Variants in FAM131C observed in about 807,000 individuals in gnomAD.
FAM131C encodes the protein protein FAM131C.
A neutral mutation model predicts 29.8 loss-of-function variants in FAM131C; 14 were observed. The ratio of observed to expected loss-of-function variants is 0.47; its 90% CI spans 0.31 to 0.73. FAM131C has a LOEUF of 0.73. FAM131C is among the 30% of genes least tolerant of loss of function. The pLI, the probability that FAM131C is intolerant of heterozygous loss-of-function variation, is 0.05. For missense variants in FAM131C, 252 were observed against 383.8 expected (o/e 0.66, Z 2.87); for synonymous variants, 86 against 157.8 (o/e 0.54, Z 3.41).
At position 16,068,047 on chromosome 1, in the gene FAM131C, C is replaced by T. The variant is rs184831751; in HGVS notation, c.23-4411G>A. 3.9e-3 allele frequency among the ~76,000 whole-genome samples: 587 copies of T among 152,314 alleles called. 6 individuals are homozygous for T. The highest frequency in any genetic ancestry group is 0.013 in the African/African-American group (556 of 41,558). On this transcript the variant is annotated intron_variant, in intron 1 of 6. Coordinates refer to ENST00000375662, the MANE Select transcript of FAM131C (RefSeq NM_182623.3). ...AGCAGCAGCCTGGGGTCAAAGCGTC[C>T]CCTCATGCTCCTCCCCGGCCAGCCT...
rs767332350 is a variant in FAM131C at position 16,063,556 on chromosome 1, T to C, written c.103A>G (p.Thr35Ala). The C allele has an allele frequency of 6.2e-7, 1 of 1,613,314 alleles. No individual in the cohort carries two copies. The highest frequency in any genetic ancestry group is 8.5e-7 in the Non-Finnish European group (1 of 1,179,710). The change falls in exon 2 of 7, where the codon ACT (threonine) becomes GCT (alanine). Residue 35 changes from threonine (T) to alanine (A), a missense_variant. By Grantham distance (58) the Thr-to-Ala change is moderately conservative. Around this residue, in one of 6 missense-constraint regions of FAM131C, gnomAD observed 76 missense variants for 62.8 expected, o/e 1.21. Transcript: ENST00000375662. ...PLNPDLPSGR[T>A]PTVAPDCVIG... is the part of the protein sequence containing the mutation. ...ACACAGTCTGGAGCCACGGTGGGAG[T>C]GCGGCCCGAGGGCAGATCTGGGTTC...
intron 1 of FAM131C, among the ~76,000 whole-genome samples, chr1:16,070,093 G>T (rs887946603): frequency 6.6e-6 from 1 of 152,110 alleles, no homozygotes; most frequent in East Asian, 1.9e-4. Context: ...GCAAAGGACG[G>T]GGTTTCCACA....
intron 1 of FAM131C, among the ~76,000 whole-genome samples, chr1:16,067,026 C>A (rs2023691805): frequency 6.6e-6 from 1 of 152,192 alleles, no homozygotes; most frequent in Non-Finnish European, 1.5e-5. Context: ...GGGAGGGGAG[C>A]CGGGCACAGA....
At chr1:16,068,973 T>A (rs779680837) in intron 1 of FAM131C, among the ~76,000 whole-genome samples, 10 of 152,212 alleles carry the variant, frequency 6.6e-5, no homozygotes, top group Non-Finnish European at 1.0e-4. Flanking sequence ...GTGACAGTAC[T>A]GTGTCAGGTA....
intron 1 of FAM131C, among the ~76,000 whole-genome samples, chr1:16,065,229 C>T (rs1036127317): frequency 6.6e-6 from 1 of 152,148 alleles, no homozygotes; most frequent in Admixed American, 6.5e-5. Flanking sequence ...CCCACTGCAC[C>T]AACTACAACC....
At chr1:16,065,863 G>A (rs1323276913) in intron 1 of FAM131C, among the ~76,000 whole-genome samples, 1 of 152,082 alleles carries the variant, frequency 6.6e-6, no homozygotes, top group Admixed American at 6.5e-5. Flanking sequence ...CTGGCAGGGG[G>A]AAGGTAAGCA....
chr1:16,063,930 A>G (rs2023641108), intron 1 of FAM131C, among the ~76,000 whole-genome samples: 1 of 151,474 alleles, frequency 6.6e-6, no homozygotes, highest in African/African-American at 2.4e-5. Flanking sequence ...ATTTACCCTC[A>G]TATTTCCAGA....
chr1:16,063,544 C>G lies in FAM131C; in HGVS notation c.115G>C (p.Ala39Pro). ...DLPSGRTPTV[A>P]PDCVIGKDKQ... Reference sequence around the variant, plus strand: ...ACCTTGCCAATGACACAGTCTGGAGCCACGGTGGGAGTGCGGCCCGAGGGC... The same window carrying G: ...ACCTTGCCAATGACACAGTCTGGAGGCACGGTGGGAGTGCGGCCCGAGGGC... Residue 39 changes from alanine (A) to proline (P), a missense_variant, in exon 2 of 7, where the codon GCT (alanine) becomes CCT (proline). By Grantham distance (27) the Ala-to-Pro change is conservative. Around this residue, in one of 6 missense-constraint regions of FAM131C, gnomAD observed 76 missense variants for 62.8 expected, o/e 1.21. Transcript: ENST00000375662. The G allele has an allele frequency of 6.2e-7, 1 of 1,613,770 alleles. No individual in the cohort carries two copies. The highest frequency in any genetic ancestry group is 8.5e-7 in the Non-Finnish European group (1 of 1,179,776).
Position 16,063,523 on chromosome 1 carries a change from T to A in FAM131C, c.136A>T (p.Lys46Ter). 6.2e-7 allele frequency: 1 copy of A among 1,612,508 alleles called. No individual in the cohort carries two copies. The highest frequency in any genetic ancestry group is 8.5e-7 in the Non-Finnish European group (1 of 1,178,756). Residue 46 changes from lysine (K) to a stop codon, truncating the protein, a stop_gained and splice_region_variant, in exon 2 of 7, where the codon AAG becomes TAG. Transcript: ENST00000375662. LOFTEE classifies it high-confidence loss of function. Reference sequence around the variant, plus strand: ...AGGGATGAGGAGCAGCCAGTTACCTTGCCAATGACACAGTCTGGAGCCACG... The same window carrying A: ...AGGGATGAGGAGCAGCCAGTTACCTAGCCAATGACACAGTCTGGAGCCACG... ...PTVAPDCVIG[K>*]DKQMDFCWDP...
chr1:16,071,267 A>G (rs898251146), intron 1 of FAM131C, among the ~76,000 whole-genome samples: 1 of 152,204 alleles, frequency 6.6e-6, no homozygotes, highest in Non-Finnish European at 1.5e-5. Context: ...GAGTGCAGAG[A>G]CTGAGGCCCT....
At chr1:16,064,631 G>A (rs1300560402) in intron 1 of FAM131C, among the ~76,000 whole-genome samples, 17 of 152,216 alleles carry the variant, frequency 1.1e-4, no homozygotes, top group Admixed American at 1.1e-3. Context: ...GGGGCCGTCA[G>A]CATCCTGGCA....
intron 1 of FAM131C, among the ~76,000 whole-genome samples, chr1:16,071,484 G>C (rs990154498): frequency 3.3e-5 from 5 of 152,222 alleles, no homozygotes; most frequent in African/African-American, 1.2e-4. Context: ...TAAGGAGAGG[G>C]CAGGGTGGGT....
chr1:16,071,991 G>A (rs1055247123), intron 1 of FAM131C, among the ~76,000 whole-genome samples: 7 of 152,288 alleles, frequency 4.6e-5, no homozygotes, highest in Admixed American at 2.6e-4. Context: ...GCCAGAGACT[G>A]CCTAGAACCT....
At chr1:16,065,909 T>C (rs2023676648) in intron 1 of FAM131C, among the ~76,000 whole-genome samples, 1 of 150,942 alleles carries the variant, frequency 6.6e-6, no homozygotes, top group African/African-American at 2.5e-5. Flanking sequence ...TTCTTTTCTT[T>C]TTTTTTTGGA....
At chr1:16,068,751 C>T (rs2023713238) in intron 1 of FAM131C, among the ~76,000 whole-genome samples, 1 of 152,154 alleles carries the variant, frequency 6.6e-6, no homozygotes, top group South Asian at 2.1e-4. Flanking sequence ...GGGCTCCTCC[C>T]CAGGACTTCC....
rs2023519670 is a variant in FAM131C, at chr1:16,058,451, C to T, written c.829G>A (p.Val277Met). The change falls in exon 7 of 7, where the codon GTG (valine) becomes ATG (methionine). Residue 277 changes from valine to methionine, a missense_variant. Transcript: ENST00000375662. ...CAGCCCCCACCTCAGTTATAGAACA[C>T]CTCGTCCTCCTCCCAGAGGGAGCCG... The part of the protein sequence containing the change: ...DSGSLWEEDE[V>M]FYN 3.4e-6 allele frequency: 5 copies of T among 1,473,182 alleles called. No individual in the cohort carries two copies. In the South Asian group the frequency reaches 5.7e-5, roughly 17 times the overall value. The allele number at this position is 1,473,182 out of a possible 1,614,324, so 91.3% of individuals were successfully genotyped here.
chr1:16,059,462 C>T (rs1275786777), intron 6 of FAM131C, 32 bp downstream of exon 6: 3 of 1,583,888 alleles, frequency 1.9e-6, no homozygotes, highest in Non-Finnish European at 2.6e-6. Context: ...CCACTCTGCC[C>T]ACCCCCGCCC....
chr1:16,064,904 C>A (rs1488265024), intron 1 of FAM131C, among the ~76,000 whole-genome samples: 2 of 152,234 alleles, frequency 1.3e-5, no homozygotes, highest in Non-Finnish European at 2.9e-5. Flanking sequence ...GCCTTCCTGC[C>A]CTCTTGAGCC....
At chr1:16,065,933 T>A (rs924762212) in intron 1 of FAM131C, among the ~76,000 whole-genome samples, 8 of 151,800 alleles carry the variant, frequency 5.3e-5, no homozygotes, top group African/African-American at 1.9e-4. Context: ...AGAATCTCGC[T>A]CTGTCACCCA....
Sources: gnomAD v4.1 joint callset for allele counts (sites outside exome capture counted in the v4.1 genomes callset) on GRCh38, gnomAD v4.1.1 for gene constraint, gnomAD v4.1.1 regional missense constraint, MANE v1.5 for transcripts, NCBI Gene and HGNC (gene_info 2026-07-23, HGNC 2026-07-21) for gene names.